Variants in TAF15 observed in about 807,000 individuals in gnomAD.
TAF15 encodes the protein TATA-binding protein-associated factor 2N.
Under a neutral mutation model 102.5 loss-of-function variants are expected in TAF15, and 37 were observed. The observed-to-expected ratio is 0.36, with a 90% CI of 0.28 to 0.47. The LOEUF is 0.47. Ranked by LOEUF, TAF15 falls within the 20% of genes least tolerant of loss-of-function variation. TAF15 has a pLI of 0.99. For missense variants in TAF15, 652 were observed against 760.7 expected (o/e 0.86, Z 1.68); for synonymous variants, 273 against 259.2 (o/e 1.05, Z -0.51).
intron 10 of TAF15, 126 bp from the exon 11 acceptor site, chr17:35,838,298 G>T (rs1450990740): frequency 2.4e-6 from 3 of 1,258,264 alleles, no homozygotes; most frequent in Non-Finnish European, 3.3e-6. Context: ...AACTTATTAG[G>T]TGCATAGTAT....
intron 9 of TAF15, among the ~76,000 whole-genome samples, chr17:35,835,782 A>G (rs971399634): frequency 1.3e-5 from 2 of 152,288 alleles, no homozygotes; most frequent in African/African-American, 4.8e-5. Flanking sequence ...GTAAAGAATT[A>G]GAGTTCTCCA....
chr17:35,809,711 T>G, intron 1 of TAF15, 135 bp downstream of exon 1: 6 of 1,221,744 alleles, frequency 4.9e-6, no homozygotes, highest in Non-Finnish European at 7.1e-6. Flanking sequence ...GGGCGGCCGC[T>G]GCCGCCGCCA....
At chr17:35,838,758 G>C (rs2087505888) in intron 11 of TAF15, among the ~76,000 whole-genome samples, 1 of 152,182 alleles carries the variant, frequency 6.6e-6, no homozygotes, top group Non-Finnish European at 1.5e-5. Flanking sequence ...ATCATGCCTT[G>C]TGCATGAGGC....
At position 35,820,410 on chromosome 17, in the gene TAF15, A is replaced by G. The variant is rs1237098487; in HGVS notation, c.263A>G (p.Gln88Arg). The change falls in exon 5 of 16, where the codon CAG becomes CGG. Residue 88 changes from glutamine (Q) to arginine (R), a missense_variant. Transcript: ENST00000605844. ...CAGCAACCATATAATAACCAGGGAC[A>G]GCAGCAAAACATGGAATCATCAGGA... ...YSQQPYNNQG[Q>R]QQNMESSGSQ... 3 of 1,614,108 alleles carry G rather than the reference A, an allele frequency of 1.9e-6. No homozygotes were observed. The Admixed American group carries it at 5.0e-5, about 27-fold the overall frequency.
At chr17:35,815,171 A>G (rs1840221967) in intron 1 of TAF15, among the ~76,000 whole-genome samples, 1 of 152,176 alleles carries the variant, frequency 6.6e-6, no homozygotes, top group Admixed American at 6.5e-5. Context: ...GAATAATAAA[A>G]TAACTTTTCT....
intron 9 of TAF15, among the ~76,000 whole-genome samples, chr17:35,835,278 C>T (rs141006997): frequency 1.3e-5 from 2 of 152,224 alleles, no homozygotes; most frequent in East Asian, 1.9e-4. Flanking sequence ...GAAAATCCTA[C>T]GTTGGATTGG....
intron 1 of TAF15, 180 bp downstream of exon 1, chr17:35,809,756 C>A (rs2087102661): frequency 2.5e-6 from 2 of 786,246 alleles, no homozygotes; most frequent in South Asian, 1.6e-5. Context: ...CCCAATGGCT[C>A]CCCGGCTGCA....
intron 5 of TAF15, among the ~76,000 whole-genome samples, chr17:35,822,033 CT>C (rs989826637): frequency 9.1e-4 from 132 of 145,720 alleles, no homozygotes; most frequent in Admixed American, 1.3e-3. Context: ...GCATCTTTTA[CT>C]TTTTTTTTTT....
At chr17:35,831,601 T>G (rs2087407097) in intron 7 of TAF15, among the ~76,000 whole-genome samples, 1 of 152,112 alleles carries the variant, frequency 6.6e-6, no homozygotes, top group Non-Finnish European at 1.5e-5. Flanking sequence ...ATGTTTTCCA[T>G]CCATTGTGGC....
At chr17:35,829,655 A>AAAAAAAAAAAG (rs1555617626) in intron 7 of TAF15, among the ~76,000 whole-genome samples, 1 of 135,528 alleles carries the variant, frequency 7.4e-6, no homozygotes, top group Admixed American at 7.5e-5. Context: ...AAAAAAAAAA[A>AAAAAAAAAAAG]AGAGAGAGAG....
At chr17:35,818,889 T>C (rs938269433) in intron 2 of TAF15, among the ~76,000 whole-genome samples, 2 of 152,138 alleles carry the variant, frequency 1.3e-5, no homozygotes, top group African/African-American at 4.8e-5. Context: ...GTGTATAATA[T>C]GCTAATGTGT....
intron 1 of TAF15, chr17:35,811,290 A>C (rs1173001263): frequency 2.6e-5 from 4 of 152,236 alleles, no homozygotes; most frequent in Non-Finnish European, 5.9e-5. Context: ...AAGCTGGCTT[A>C]ATCATTAGTA....
rs372580198 is a variant in TAF15, at chr17:35,844,619, T to C, written c.1320T>C (p.Asp440=). Residue 440 remains aspartate, a synonymous_variant, in exon 15 of 16, where the codon GAT becomes GAC. Coordinates refer to ENST00000605844, the MANE Select transcript of TAF15 (RefSeq NM_139215.3). ...GCAGCGGTGGTGGCTACAGCGGAGA[T>C]AGAAGTGGGGGCGGCTATGGTGGAG... ...DRSSGGGYSG[D]RSGGGYGGDR... is the part of the protein sequence containing the mutation. 1.1e-4 allele frequency: 160 copies of C among 1,518,068 alleles called. No homozygotes were observed. The East Asian group carries it at 3.4e-3, about 32-fold the overall frequency. The allele number at this position is 1,518,068 out of a possible 1,614,324, so 94.0% of individuals were successfully genotyped here.
At chr17:35,822,448 C>T (rs951053436) in intron 5 of TAF15, among the ~76,000 whole-genome samples, 192 bp from the exon 6 acceptor site, 2 of 151,936 alleles carry the variant, frequency 1.3e-5, no homozygotes, top group African/African-American at 4.8e-5. Flanking sequence ...TGTGGCACCT[C>T]TTCAATGTTG....
In TAF15 at chr17:35,820,195, C is replaced by G; in HGVS notation, c.131C>G (p.Ser44Cys). Residue 44 changes from serine (S) to cysteine (C), a missense_variant, in exon 4 of 16, where the codon TCC (serine) becomes TGC (cysteine). By Grantham distance (112) the Ser-to-Cys change is moderately radical. Coordinates refer to ENST00000605844, the MANE Select transcript of TAF15 (RefSeq NM_139215.3). ...SYSGYGQTTD[S>C]SYGQNYSGYS... is the part of the protein sequence containing the mutation. ...TCTGGCTATGGGCAAACGACTGATTCCTCTTATGGACAGAACTACAGCGGT... is the reference window on the plus strand; with the variant it reads ...TCTGGCTATGGGCAAACGACTGATTGCTCTTATGGACAGAACTACAGCGGT... 1 of 1,614,062 alleles carries G rather than the reference C, an allele frequency of 6.2e-7. No individual in the cohort carries two copies. The highest frequency in any genetic ancestry group is 8.5e-7 in the Non-Finnish European group (1 of 1,179,950).
intron 7 of TAF15, among the ~76,000 whole-genome samples, chr17:35,829,037 TGTAAATACAGCTGTTATGGAGAATA>T (rs140268212): frequency 0.021 from 3,234 of 152,198 alleles, 66 homozygotes; most frequent in East Asian, 0.11. Context: ...GGAAATAAAA[TGTAAATACAGCTGTTATGGAGAATA>T]GTACTTAAAT....
intron 7 of TAF15, among the ~76,000 whole-genome samples, chr17:35,830,815 C>CT (rs2087395382): frequency 6.6e-6 from 1 of 152,118 alleles, no homozygotes; most frequent in East Asian, 1.9e-4. Context: ...TTCAGTAGGT[C>CT]TAGGGTGGGG....
intron 7 of TAF15, among the ~76,000 whole-genome samples, chr17:35,829,631 CAAA>C (rs746776421): frequency 4.5e-4 from 15 of 33,104 alleles, no homozygotes; most frequent in Admixed American, 1.4e-3. Context: ...GACTCCATCT[CAAA>C]AAAAAAAAAA....
At chr17:35,839,594 G>C (rs1166499689) in intron 11 of TAF15, among the ~76,000 whole-genome samples, 1 of 151,966 alleles carries the variant, frequency 6.6e-6, no homozygotes, top group Non-Finnish European at 1.5e-5. Flanking sequence ...ATGTTAGCCA[G>C]GATGGTCTCG....
Sources: gnomAD v4.1 joint callset for allele counts (sites outside exome capture counted in the v4.1 genomes callset) on GRCh38, gnomAD v4.1.1 for gene constraint, MANE v1.5 for transcripts, NCBI Gene and HGNC (gene_info 2026-07-23, HGNC 2026-07-21) for gene names.